Variants in DRC7 observed in about 807,000 individuals in gnomAD.
DRC7 encodes the protein dynein regulatory complex subunit 7, also known as coiled-coil domain containing 135.
In DRC7, 80 loss-of-function variants were observed where a neutral mutation model predicts 104.4. The ratio of observed to expected loss-of-function variants is 0.77; its 90% CI spans 0.64 to 0.92. The LOEUF (loss-of-function observed/expected upper bound fraction) is 0.92. Ranked by LOEUF, DRC7 falls within the 40% of genes least tolerant of loss-of-function variation. The pLI is 0.00. For synonymous variants in DRC7, 405 were observed against 447.3 expected (o/e 0.91, Z 1.19); for missense variants, 1,034 against 1,141.1 (o/e 0.91, Z 1.35).
chr16:57,703,796 G>A (rs907575321), intron 6 of DRC7, among the ~76,000 whole-genome samples: 2 of 151,894 alleles, frequency 1.3e-5, no homozygotes, highest in Admixed American at 6.6e-5. Flanking sequence ...GCAAAACCCC[G>A]TCTCTACTAA....
chr16:57,703,756 C>T (rs1438889205), intron 6 of DRC7, among the ~76,000 whole-genome samples: 1 of 152,090 alleles, frequency 6.6e-6, no homozygotes. Flanking sequence ...CACTTGAGCG[C>T]AGGAGTTCCA....
At chr16:57,719,586 T>G (rs2048882264) in intron 9 of DRC7, among the ~76,000 whole-genome samples, 1 of 152,220 alleles carries the variant, frequency 6.6e-6, no homozygotes, top group Non-Finnish European at 1.5e-5. Flanking sequence ...CATAGCTCAC[T>G]GCAGCCTCGA....
chr16:57,722,259 AG>A (rs1322663961), intron 10 of DRC7, among the ~76,000 whole-genome samples: 7 of 152,076 alleles, frequency 4.6e-5, no homozygotes, highest in African/African-American at 1.7e-4. Flanking sequence ...GGGAACCCAG[AG>A]GGGGGCGCAC....
chr16:57,701,866 C>A, intron 5 of DRC7, 70 bp from the exon 6 acceptor site: 3 of 1,371,396 alleles, frequency 2.2e-6, no homozygotes, highest in Non-Finnish European at 2.0e-6. Context: ...AGGTGGTGGG[C>A]TGTGACCGGT....
intron 9 of DRC7, among the ~76,000 whole-genome samples, chr16:57,718,974 AC>A (rs2148761154): frequency 6.7e-6 from 1 of 150,264 alleles, no homozygotes; most frequent in East Asian, 2.0e-4. Context: ...GCGCAACCCC[AC>A]CCCACCACAA....
chr16:57,708,015 C>A (rs572464857), intron 8 of DRC7, among the ~76,000 whole-genome samples: 2 of 152,202 alleles, frequency 1.3e-5, no homozygotes, highest in African/African-American at 4.8e-5. Context: ...ATTTAACACA[C>A]CTTGGTTTCC....
At chr16:57,710,704 G>T (rs934343999) in intron 8 of DRC7, among the ~76,000 whole-genome samples, 1 of 152,188 alleles carries the variant, frequency 6.6e-6, no homozygotes, top group African/African-American at 2.4e-5. Flanking sequence ...AGAAATAGAT[G>T]CTAGATTTTT....
chr16:57,725,801 G>A (rs755677789), intron 13 of DRC7: 19 of 475,072 alleles, frequency 4.0e-5, no homozygotes, highest in Non-Finnish European at 5.7e-5. Flanking sequence ...GCCTGGAGAG[G>A]TGGTGAGCTC....
chr16:57,711,691 T>A (rs1011007848), intron 8 of DRC7, among the ~76,000 whole-genome samples: 4 of 152,214 alleles, frequency 2.6e-5, no homozygotes, highest in African/African-American at 9.6e-5. Flanking sequence ...ACCAGAGTTT[T>A]GTTATTACTC....
At chr16:57,705,765 T>C in intron 7 of DRC7, among the ~76,000 whole-genome samples, 1 of 106,404 alleles carries the variant, frequency 9.4e-6, no homozygotes, top group African/African-American at 4.0e-5. Context: ...CTCCCATCCA[T>C]CCTCCCATCC....
rs531661149 is a variant in DRC7 at position 57,695,170 on chromosome 16, T to G, written c.-169+318T>G. On this transcript the variant is annotated intron_variant, in intron 1 of 18. Transcript: ENST00000360716. Reference sequence around the variant, plus strand: ...GGGTTCTTCTCCCCAGCTCTGCCTCTGATGGTGTTCTGGGACTGACACGTC... The same window carrying G: ...GGGTTCTTCTCCCCAGCTCTGCCTCGGATGGTGTTCTGGGACTGACACGTC... Among the ~76,000 whole-genome samples, 4 of 150,558 alleles carry G rather than the reference T, an allele frequency of 2.7e-5. No individual in the cohort carries two copies. The South Asian group carries it at 8.4e-4, about 32-fold the overall frequency.
chr16:57,720,047 A>G (rs1476162717), intron 9 of DRC7, among the ~76,000 whole-genome samples: 3 of 152,228 alleles, frequency 2.0e-5, no homozygotes, highest in African/African-American at 4.8e-5. Flanking sequence ...TAGCACTCAC[A>G]TGGTCCTTAC....
Position 57,731,069 on chromosome 16 carries a change from C to T in DRC7, c.2530C>T (p.Arg844Ter), listed in dbSNP as rs141890324. ...CCGCATCCTGGAGCAGCGCCTCAATCGGTGAGCAGGCAGGGCAGGTGGAGA... is the reference window on the plus strand; with the variant it reads ...CCGCATCCTGGAGCAGCGCCTCAATTGGTGAGCAGGCAGGGCAGGTGGAGA... Reference protein sequence around the residue: ...RIRILEQRLNRHKELAPLKYL... With the variant: ...RIRILEQRLN The change falls in exon 18 of 19, where the codon CGA becomes TGA. Residue 844 changes from arginine (R) to a stop codon, truncating the protein, a stop_gained and splice_region_variant. Coordinates refer to ENST00000360716, the MANE Select transcript of DRC7 (RefSeq NM_001289162.2). LOFTEE classifies it high-confidence loss of function. 3.1e-6 allele frequency: 5 copies of T among 1,613,740 alleles called. No individual in the cohort carries two copies. Among genetic ancestry groups the T allele is most frequent in the Non-Finnish European group, 4.2e-6 (5 of 1,179,936 alleles).
At chr16:57,695,820 G>T (rs1417806394) in intron 1 of DRC7, among the ~76,000 whole-genome samples, 2 of 152,244 alleles carry the variant, frequency 1.3e-5, no homozygotes. Context: ...CAAGGGTCCA[G>T]CAGGAGCTAC....
chr16:57,718,608 G>A (rs2048870215), intron 9 of DRC7, 133 bp downstream of exon 9: 1 of 1,114,552 alleles, frequency 9.0e-7, no homozygotes, highest in South Asian at 1.5e-5. Flanking sequence ...CTCAAAGCAG[G>A]AAGGCTTGAG....
Position 57,731,331 on chromosome 16 carries a change from C to T in DRC7, c.*73C>T. 1 of 1,234,952 alleles carries T rather than the reference C, an allele frequency of 8.1e-7. No homozygotes were observed. 76.5% of individuals were successfully genotyped at this position (1,234,952 alleles called of 1,614,324 possible). On this transcript the variant is annotated 3_prime_UTR_variant, in exon 19 of 19. Transcript: ENST00000360716. ...TTCCCGCAGCCTGGCTCCTGTGTTC[C>T]CTCTATCCAGCCAATGCCTGTTTAC...
chr16:57,722,120 G>A (rs2048909798), intron 10 of DRC7, among the ~76,000 whole-genome samples: 1 of 152,240 alleles, frequency 6.6e-6, no homozygotes, highest in Admixed American at 6.5e-5. Flanking sequence ...GGCAGGTAGA[G>A]AAGGCAGGAG....
intron 13 of DRC7, 58 bp downstream of exon 13, chr16:57,724,893 C>T (rs1597810882): frequency 1.4e-6 from 2 of 1,383,650 alleles, no homozygotes; most frequent in East Asian, 4.9e-5. Context: ...GCTGATGTCA[C>T]CTCTGAATGG....
At chr16:57,715,706 G>A (rs187311788) in intron 8 of DRC7, among the ~76,000 whole-genome samples, 4 of 152,238 alleles carry the variant, frequency 2.6e-5, no homozygotes, top group East Asian at 1.9e-4. Context: ...TTTCTCCCAC[G>A]CCACACAGAG....
Sources: allele counts gnomAD v4.1 joint callset (sites outside exome capture counted in the v4.1 genomes callset), GRCh38; gene constraint gnomAD v4.1.1; transcripts MANE v1.5; gene names NCBI Gene and HGNC (gene_info 2026-07-23, HGNC 2026-07-21).